Variants in ERCC1 observed in about 807,000 individuals in gnomAD.
ERCC1 encodes DNA excision repair protein ERCC-1.
A neutral mutation model predicts 37.6 loss-of-function variants in ERCC1; 36 were observed. The ratio of observed to expected loss-of-function variants is 0.96; its 90% CI spans 0.73 to 1.26. The LOEUF is 1.26. ERCC1 is among the 50% of genes most tolerant of loss of function. The pLI is 0.00. For missense variants in ERCC1, 349 were observed against 376.5 expected (o/e 0.93, Z 0.60); for synonymous variants, 156 against 162.1 (o/e 0.96, Z 0.28).
chr19:45,423,709 T>TC (rs1169306096), intron 1 of ERCC1, 72 bp downstream of exon 1: 1 of 1,196,564 alleles, frequency 8.4e-7, no homozygotes, highest in Non-Finnish European at 1.0e-6. Context: ...CCTGGCCTTG[T>TC]CCATCTCTCA....
intron 4 of ERCC1, chr19:45,419,575 G>A (rs774192716): frequency 3.2e-4 from 99 of 311,914 alleles, no homozygotes; most frequent in Admixed American, 1.4e-3. Context: ...GCCTTGGAGG[G>A]CTACGGTGAG....
chr19:45,444,083 G>A (rs1428065315), intron 1 of ERCC1, among the ~76,000 whole-genome samples: 4 of 44,214 alleles, frequency 9.0e-5, no homozygotes, highest in Admixed American at 6.2e-4. Context: ...TCCCCTCCCC[G>A]GGCTCCCCCA....
At chr19:45,445,766 T>C (rs1015877183) in intron 1 of ERCC1, among the ~76,000 whole-genome samples, 16 of 152,116 alleles carry the variant, frequency 1.1e-4, no homozygotes, top group Non-Finnish European at 2.1e-4. Context: ...TCAGAGAGAC[T>C]AAGGGCTGAT....
intron 1 of ERCC1, among the ~76,000 whole-genome samples, chr19:45,442,269 G>A (rs201507252): frequency 3.3e-5 from 5 of 149,578 alleles, no homozygotes; most frequent in African/African-American, 1.2e-4. Context: ...GCAGTGAACC[G>A]AGATGGCACC....
chr19:45,418,369 C>T (rs879483473), intron 5 of ERCC1, among the ~76,000 whole-genome samples: 8 of 151,896 alleles, frequency 5.3e-5, no homozygotes, highest in Non-Finnish European at 7.4e-5. Context: ...ATCAATCAAT[C>T]AATCAATAAA....
intron 6 of ERCC1, chr19:45,415,787 T>C (rs921068707): frequency 6.6e-6 from 3 of 455,842 alleles, no homozygotes; most frequent in Middle Eastern, 3.2e-4. Flanking sequence ...CCAACCCCAC[T>C]TCTCCCTGGG....
At chr19:45,451,470 T>A (rs940203730) in intron 1 of ERCC1, among the ~76,000 whole-genome samples, 4 of 152,166 alleles carry the variant, frequency 2.6e-5, no homozygotes, top group Non-Finnish European at 5.9e-5. Context: ...CTTGGGGTTC[T>A]CTTGCCTGTC....
At chr19:45,427,455 CA>C (rs35190442), upstream of ERCC1, among the ~76,000 whole-genome samples, 35 of 147,680 alleles carry the variant, frequency 2.4e-4, no homozygotes, top group Middle Eastern at 3.4e-3. Context: ...CTAAAAAATA[CA>C]AAAAAAAAAT....
intron 1 of ERCC1, among the ~76,000 whole-genome samples, chr19:45,444,269 C>G (rs1224333075): frequency 6.9e-6 from 1 of 144,742 alleles, no homozygotes; most frequent in Non-Finnish European, 1.5e-5. Flanking sequence ...CCATTTCCCC[C>G]CCTCCCCCAG....
At chr19:45,431,907 T>A (rs1188923510) in intron 1 of ERCC1, among the ~76,000 whole-genome samples, 1 of 152,140 alleles carries the variant, frequency 6.6e-6, no homozygotes, top group Non-Finnish European at 1.5e-5. Context: ...AATTTTTTTT[T>A]ATTTTGGAAA....
At chr19:45,444,760 A>T (rs1568601901) in intron 1 of ERCC1, among the ~76,000 whole-genome samples, 4 of 152,220 alleles carry the variant, frequency 2.6e-5, no homozygotes, top group African/African-American at 9.6e-5. Context: ...ATGCAGTTAC[A>T]CACGGGCAAC....
chr19:45,434,770 T>C (rs1974931435), intron 1 of ERCC1, among the ~76,000 whole-genome samples: 1 of 151,538 alleles, frequency 6.6e-6, no homozygotes, highest in Non-Finnish European at 1.5e-5. Context: ...AATTTTTTTA[T>C]TTTTATTTTT....
chr19:45,415,391 C>T (rs1973998353), intron 6 of ERCC1, among the ~76,000 whole-genome samples: 1 of 149,868 alleles, frequency 6.7e-6, no homozygotes, highest in Admixed American at 6.7e-5. Context: ...AATCCCAGCA[C>T]TTTGGGAGGC....
At chr19:45,413,564 C>T (rs200166744) in intron 9 of ERCC1, 113 bp downstream of exon 9, 4 of 1,613,902 alleles carry the variant, frequency 2.5e-6, no homozygotes, top group East Asian at 2.2e-5. Context: ...GCGGAAGCCA[C>T]TGTGTCTGGT....
Position 45,420,212 on chromosome 19 carries a change from G to GC in ERCC1, c.425+111dup. 1.3e-6 allele frequency: 1 copy of GC among 773,112 alleles called. No homozygotes were observed. The highest frequency in any genetic ancestry group is 1.5e-5 in the South Asian group (1 of 68,836). The allele number at this position is 773,112 out of a possible 1,614,324, so 47.9% of individuals were successfully genotyped here. A position where few individuals can be genotyped will look rare whatever the true frequency, so the allele number is the denominator to read the frequency against. On this transcript the variant is annotated intron_variant, in intron 4 of 9. Coordinates refer to ENST00000300853, the MANE Select transcript of ERCC1 (RefSeq NM_001983.4). The surrounding 1 kb of genome is among the most constrained non-coding windows in gnomAD (Gnocchi z 4.8). ...AGGGTCCCACCAAGGCCCAGAACCT[G>GC]CAGGACCATGCCCAGAGGCTTCTCA...
In ERCC1 at chr19:45,409,506, C is replaced by T. The variant is rs2123436779; in HGVS notation, c.*169G>A. 6.3e-7 allele frequency: 1 copy of T among 1,599,870 alleles called. No homozygotes were observed. Among genetic ancestry groups the T allele is most frequent in the Non-Finnish European group, 8.5e-7 (1 of 1,174,054 alleles). On this transcript the variant is annotated 3_prime_UTR_variant, in exon 10 of 10. Coordinates refer to ENST00000300853, the MANE Select transcript of ERCC1 (RefSeq NM_001983.4). Reference sequence around the variant, plus strand: ...CAGCAGCAGCAGCCTGTGTAGTCTGCCCCCGGGAAACTGAGGAACTAAAGA... The same window carrying T: ...CAGCAGCAGCAGCCTGTGTAGTCTGTCCCCGGGAAACTGAGGAACTAAAGA...
intron 1 of ERCC1, among the ~76,000 whole-genome samples, chr19:45,440,567 G>A (rs1359806753): frequency 6.6e-6 from 1 of 152,162 alleles, no homozygotes; most frequent in Non-Finnish European, 1.5e-5. Flanking sequence ...GAGCTGAGGC[G>A]AGGCATGGCC....
intron 1 of ERCC1, among the ~76,000 whole-genome samples, chr19:45,434,689 A>C (rs936830164): frequency 6.6e-6 from 1 of 151,468 alleles, no homozygotes; most frequent in African/African-American, 2.4e-5. Flanking sequence ...GGGTTCAAGC[A>C]ATTCTCCTGC....
chr19:45,413,370 G>T, intron 9 of ERCC1: 1 of 596,156 alleles, frequency 1.7e-6, no homozygotes, highest in Non-Finnish European at 3.0e-6. Flanking sequence ...GGGCTCAAGC[G>T]ATCCTCCCAC....
Sources: allele counts gnomAD v4.1 joint callset (sites outside exome capture counted in the v4.1 genomes callset), GRCh38; gene constraint gnomAD v4.1.1; non-coding constraint Gnocchi (gnomAD v3.1); transcripts MANE v1.5; gene names NCBI Gene and HGNC (gene_info 2026-07-23, HGNC 2026-07-21).